Variants in CCDC7 observed in about 807,000 individuals in gnomAD.
The protein encoded by CCDC7 is coiled-coil domain containing 7.
Under a neutral mutation model 196.9 loss-of-function variants are expected in CCDC7, and 183 were observed. The observed-to-expected ratio is 0.93, with a 90% CI of 0.82 to 1.05. CCDC7 has a LOEUF of 1.05. Ranked by LOEUF, CCDC7 falls within the 50% of genes least tolerant of loss-of-function variation. The pLI is 0.00. For missense variants in CCDC7, 1,540 were observed against 1,482.2 expected (o/e 1.04, Z -0.64); for synonymous variants, 525 against 484.6 (o/e 1.08, Z -1.10).
In CCDC7 at chr10:32,766,344, C is replaced by G. The variant is rs569004521; in HGVS notation, c.2906-12633C>G. ...CATGCTACTGTGGCTCACTCACTTACTGAGTGACCTGGAAATCTGTTAGTT... is the reference window on the plus strand; with the variant it reads ...CATGCTACTGTGGCTCACTCACTTAGTGAGTGACCTGGAAATCTGTTAGTT... On this transcript the variant is annotated intron_variant, in intron 28 of 41. Transcript: ENST00000639629. Among the ~76,000 whole-genome samples the G allele has an allele frequency of 3.3e-5, 5 of 152,058 alleles. No individual in the cohort carries two copies. The South Asian group carries it at 1.0e-3, about 32-fold the overall frequency.
chr10:32,618,002 G>A (rs1472273756), intron 18 of CCDC7, among the ~76,000 whole-genome samples: 2 of 151,734 alleles, frequency 1.3e-5, no homozygotes, highest in Non-Finnish European at 3.0e-5. Context: ...TCTTTGTCTT[G>A]TATTACTTTT....
At chr10:32,445,616 G>A (rs77615240), upstream of CCDC7, among the ~76,000 whole-genome samples, 1 of 152,170 alleles carries the variant, frequency 6.6e-6, no homozygotes, top group East Asian at 1.9e-4. Context: ...ACTCTACCTT[G>A]TAAAATTGCA....
At chr10:32,761,296 G>A (rs764572243) in intron 28 of CCDC7, among the ~76,000 whole-genome samples, 1 of 151,848 alleles carries the variant, frequency 6.6e-6, no homozygotes, top group Non-Finnish European at 1.5e-5. Flanking sequence ...TACTAATAAA[G>A]GAATAAAAGG....
At chr10:32,535,328 AT>A (rs932873929) in intron 11 of CCDC7, among the ~76,000 whole-genome samples, 28 of 152,202 alleles carry the variant, frequency 1.8e-4, no homozygotes, top group African/African-American at 5.3e-4. Flanking sequence ...AGCTAATCTA[AT>A]TTTTAAAAAT....
rs955175059 is a variant in CCDC7, at chr10:32,558,497, A to G, written c.1135-7061A>G. Among the ~76,000 whole-genome samples, 3 of 152,214 alleles carry G rather than the reference A, an allele frequency of 2.0e-5. No individual in the cohort carries two copies. In the East Asian group the frequency reaches 5.8e-4, roughly 29 times the overall value. ...TCTTTTCTTTGTGTAATTTCCCTCT[A>G]ACCTTTCCAGTGGCTTGAATTGTCC... On this transcript the variant is annotated intron_variant, in intron 13 of 41. Coordinates refer to ENST00000639629, the Ensembl canonical transcript of CCDC7.
intron 11 of CCDC7, among the ~76,000 whole-genome samples, chr10:32,539,864 G>A (rs1338532341): frequency 1.3e-5 from 2 of 152,054 alleles, no homozygotes; most frequent in Non-Finnish European, 2.9e-5. Flanking sequence ...TTATTTTGCT[G>A]TAGTCTGAGA....
intron 29 of CCDC7, among the ~76,000 whole-genome samples, chr10:32,786,558 C>G (rs140108265): frequency 0.013 from 1,947 of 152,220 alleles, 14 homozygotes; most frequent in Non-Finnish European, 0.019. Context: ...GCCAGGAGTT[C>G]GAGACCAGCC....
At chr10:32,552,708 G>A (rs2053671998) in intron 13 of CCDC7, among the ~76,000 whole-genome samples, 2 of 152,114 alleles carry the variant, frequency 1.3e-5, no homozygotes, top group Non-Finnish European at 2.9e-5. Flanking sequence ...AAAATTCTTG[G>A]CTGATGATTG....
intron 9 of CCDC7, among the ~76,000 whole-genome samples, chr10:32,498,166 T>A (rs1413647762): frequency 9.2e-5 from 14 of 152,174 alleles, no homozygotes; most frequent in Admixed American, 9.2e-4. Context: ...TCTCTTTTGA[T>A]TTCTGCTGCT....
At chr10:32,693,251 C>T (rs988780350) in intron 23 of CCDC7, among the ~76,000 whole-genome samples, 4 of 152,060 alleles carry the variant, frequency 2.6e-5, no homozygotes, top group Admixed American at 6.6e-5. Context: ...GAAAGTAAAA[C>T]AATATATATG....
chr10:32,507,784 A>G lies in CCDC7; in HGVS notation c.873-10161A>G, dbSNP rs187472436. On this transcript the variant is annotated intron_variant, in intron 9 of 41. Coordinates refer to ENST00000639629, the Ensembl canonical transcript of CCDC7. The stretch of plus-strand genomic sequence containing the variant: ...CATTTTGAAGGACAGTAATCATATG[A>G]TCATTTCAATAGATGCAGAAACAGC... 2.8e-3 allele frequency among the ~76,000 whole-genome samples: 420 copies of G among 152,310 alleles called. 3 individuals are homozygous for G. Among genetic ancestry groups the G allele is most frequent in the Non-Finnish European group, 4.8e-3 (328 of 68,016 alleles).
intron 10 of CCDC7, 147 bp from the exon 12 acceptor site, chr10:32,518,269 T>TA: frequency 1.3e-6 from 1 of 792,734 alleles, no homozygotes; most frequent in South Asian, 4.0e-5. Context: ...CAGCTCCAAT[T>TA]ATTGTGTCAC....
intron 28 of CCDC7, among the ~76,000 whole-genome samples, chr10:32,759,095 G>A (rs1364650412): frequency 6.6e-6 from 1 of 152,112 alleles, no homozygotes; most frequent in Non-Finnish European, 1.5e-5. Flanking sequence ...AATAAAAGAG[G>A]ACTCAAACAA....
At chr10:32,863,357 A>AT (rs750601988) in intron 41 of CCDC7, among the ~76,000 whole-genome samples, 3 of 151,918 alleles carry the variant, frequency 2.0e-5, no homozygotes, top group African/African-American at 7.2e-5. Context: ...ATGGTAGACT[A>AT]TTTTTTTGTT....
intron 41 of CCDC7, among the ~76,000 whole-genome samples, chr10:32,864,825 T>TA (rs1438297598): frequency 2.0e-5 from 3 of 151,586 alleles, no homozygotes; most frequent in Non-Finnish European, 4.4e-5. Flanking sequence ...GGAAAAGAGG[T>TA]AAAAAATGAT....
chr10:32,477,781 C>G (rs1445294539), intron 8 of CCDC7, among the ~76,000 whole-genome samples: 1 of 152,126 alleles, frequency 6.6e-6, no homozygotes, highest in Admixed American at 6.5e-5. Flanking sequence ...AGTGTCAGTC[C>G]TCCAACTTTG....
At chr10:32,831,205 GAAAAGATACAGTAAAAATACCAGAT>G (rs1565644316) in intron 32 of CCDC7, among the ~76,000 whole-genome samples, 1 of 152,080 alleles carries the variant, frequency 6.6e-6, no homozygotes, top group Non-Finnish European at 1.5e-5. Flanking sequence ...TCTAAACATA[GAAAAGATACAGTAAAAATACCAGAT>G]AAAAGATAAA....
intron 16 of CCDC7, among the ~76,000 whole-genome samples, chr10:32,580,146 A>T (rs1042196930): frequency 6.6e-6 from 1 of 152,048 alleles, no homozygotes. Flanking sequence ...CTAGTAAGAG[A>T]ATAGTTTTTC....
intron 21 of CCDC7, among the ~76,000 whole-genome samples, chr10:32,672,762 C>T (rs913964582): frequency 3.3e-5 from 5 of 152,126 alleles, no homozygotes; most frequent in African/African-American, 1.2e-4. Context: ...ATATGCTGAC[C>T]TCACCAGAGA....
Sources: gnomAD v4.1 joint callset for allele counts (sites outside exome capture counted in the v4.1 genomes callset) on GRCh38, gnomAD v4.1.1 for gene constraint, MANE v1.5 for transcripts, NCBI Gene and HGNC (gene_info 2026-07-23, HGNC 2026-07-21) for gene names.